Variants in CEP72 observed in about 807,000 individuals in gnomAD.
CEP72 encodes centrosomal protein 72, also known as centrosomal protein of 72 kDa.
In CEP72, 78 loss-of-function variants were observed where a neutral mutation model predicts 65.7. That is an observed-to-expected ratio of 1.19 (90% CI 0.99 to 1.43). The LOEUF (loss-of-function observed/expected upper bound fraction) is 1.43. Ranked by LOEUF, CEP72 falls within the 40% of genes most tolerant of loss-of-function variation. The pLI is 0.00. For missense variants in CEP72, 914 were observed against 832.9 expected, an observed-to-expected ratio of 1.10 and a Z score of -1.20; for synonymous variants, 358 against 351.7, an observed-to-expected ratio of 1.02 and a Z score of -0.20.
the CEP72 span, among the ~76,000 whole-genome samples, chr5:673,747 G>A: frequency 6.6e-6 from 1 of 152,140 alleles, no homozygotes; most frequent in African/African-American, 2.4e-5. Flanking sequence ...GGAGCAGGGG[G>A]CCAAGCTTTA....
the CEP72 span, among the ~76,000 whole-genome samples, chr5:673,797 G>A: frequency 3.3e-5 from 5 of 152,182 alleles, 1 homozygote; most frequent in Admixed American, 2.0e-4. Context: ...CTGCCTCTGG[G>A]AACAGGCCCA....
At chr5:640,750 C>T (rs576490713) in intron 9 of CEP72, 146 bp downstream of exon 9, 76 of 1,436,206 alleles carry the variant, frequency 5.3e-5, no homozygotes, top group East Asian at 1.2e-4. Context: ...GCCCGGGACC[C>T]GGCCACCCCC....
chr5:628,531 C>CG (rs113410737), intron 4 of CEP72, among the ~76,000 whole-genome samples: 155 of 142,262 alleles, frequency 1.1e-3, no homozygotes, highest in African/African-American at 2.7e-3. Context: ...CTTTGTGCAG[C>CG]TTCTGGAGAA....
intron 9 of CEP72, chr5:642,973 C>T: frequency 1.0e-6 from 1 of 985,508 alleles, no homozygotes; most frequent in African/African-American, 1.7e-5. Flanking sequence ...CTGTGCCTGG[C>T]ACGGCCTCTG....
chr5:616,884 G>T (rs990314717), intron 1 of CEP72, among the ~76,000 whole-genome samples: 1 of 150,798 alleles, frequency 6.6e-6, no homozygotes, highest in Non-Finnish European at 1.5e-5. Context: ...AAGAGAGTCT[G>T]TCCTGCAAGG....
At chr5:629,385 C>A (rs1579959024) in intron 4 of CEP72, among the ~76,000 whole-genome samples, 1 of 152,274 alleles carries the variant, frequency 6.6e-6, no homozygotes, top group South Asian at 2.1e-4. Flanking sequence ...AATTTTTGAA[C>A]CAATCCTAGT....
downstream of CEP72, among the ~76,000 whole-genome samples, chr5:669,120 GA>G (rs1425803348): frequency 6.6e-6 from 1 of 152,242 alleles, no homozygotes; most frequent in Non-Finnish European, 1.5e-5. Flanking sequence ...GGGTCCCAGG[GA>G]GGGGAGCGGA....
chr5:651,247 A>G (rs1739052955), intron 11 of CEP72, among the ~76,000 whole-genome samples: 1 of 85,074 alleles, frequency 1.2e-5, no homozygotes, highest in Non-Finnish European at 2.3e-5. Flanking sequence ...TGAGGCGTGG[A>G]CTGTGAGGTG....
At chr5:662,968 G>C in intron 1 of CEP72, 1 of 150,672 alleles carries the variant, frequency 6.6e-6, no homozygotes, top group East Asian at 1.9e-4. Context: ...GTCTGTGATC[G>C]GGTGATTCCG....
chr5:669,419 A>G (rs1260159178), downstream of CEP72, among the ~76,000 whole-genome samples: 2 of 152,184 alleles, frequency 1.3e-5, no homozygotes, highest in African/African-American at 2.4e-5. Context: ...CACCCCAGGC[A>G]GCCCACAGTG....
chr5:671,811 C>T (rs565755843), downstream of CEP72, among the ~76,000 whole-genome samples: 19 of 152,354 alleles, frequency 1.2e-4, no homozygotes, highest in African/African-American at 3.1e-4. Context: ...CCAGAGCCGC[C>T]GAGTGCAAGC....
Position 621,217 on chromosome 5 carries a change from C to T in CEP72, c.403+956C>T, listed in dbSNP as rs930202817. 5.9e-5 allele frequency among the ~76,000 whole-genome samples: 9 copies of T among 152,174 alleles called. No individual in the cohort carries two copies. In the South Asian group the frequency reaches 6.2e-4, roughly 11 times the overall value. On this transcript the variant is annotated intron_variant, in intron 3 of 11. Transcript: ENST00000264935. ...GTCAGACCTACCATGCACCGCTGTT[C>T]GAAAGCTGCCCCTCCTTCTGAACCT...
chr5:613,282 T>C (rs1579911443), intron 1 of CEP72, among the ~76,000 whole-genome samples: 1 of 151,922 alleles, frequency 6.6e-6, no homozygotes, highest in East Asian at 1.9e-4. Context: ...ACTGAGACAG[T>C]GGGGTTTGCA....
intron 7 of CEP72, 117 bp from the exon 8 acceptor site, chr5:638,971 AG>A: frequency 2.2e-6 from 3 of 1,340,230 alleles, no homozygotes; most frequent in Non-Finnish European, 3.1e-6. Flanking sequence ...CTGGGGCCTC[AG>A]GGCACCTGTC....
chr5:665,959 G>A (rs775659738), exon 4 of CEP72: 24 of 403,572 alleles, frequency 5.9e-5, no homozygotes, highest in Admixed American at 1.3e-4. Context: ...TTCCATCCCC[G>A]CCCTGCTCAC....
the CEP72 span, among the ~76,000 whole-genome samples, chr5:675,001 TGA>T: frequency 2.6e-5 from 2 of 75,962 alleles, no homozygotes; most frequent in South Asian, 5.4e-4. Flanking sequence ...GGGGGAGCAG[TGA>T]GGGGGGCACA....
At chr5:614,975 A>G (rs185732041) in intron 1 of CEP72, among the ~76,000 whole-genome samples, 6 of 151,060 alleles carry the variant, frequency 4.0e-5, no homozygotes, top group Admixed American at 3.9e-4. Flanking sequence ...TGACTCTATT[A>G]ATGACTGAGA....
At position 641,129 on chromosome 5, in the gene CEP72, G is replaced by A. The variant is rs150854892; in HGVS notation, c.1539+525G>A. On this transcript the variant is annotated intron_variant, in intron 9 of 11. Coordinates refer to ENST00000264935, the MANE Select transcript of CEP72 (RefSeq NM_018140.4). ...CCTCCTTCCGTCTCAGCCGTGGGCC[G>A]GGGCCGCCGTCTCATCTGAGGCCTC... 16 of 984,958 alleles carry A rather than the reference G, an allele frequency of 1.6e-5. No homozygotes were observed. The African/African-American group carries it at 1.7e-4, about 11-fold the overall frequency. 61.0% of individuals were successfully genotyped at this position (984,958 alleles called of 1,614,324 possible).
intron 1 of CEP72, among the ~76,000 whole-genome samples, chr5:617,675 A>ATT (rs1167040401): frequency 6.6e-6 from 1 of 152,190 alleles, no homozygotes; most frequent in Non-Finnish European, 1.5e-5. Flanking sequence ...ACCTGAGACG[A>ATT]TGCCTGAGGG....
Sources: gnomAD v4.1 joint callset for allele counts (sites outside exome capture counted in the v4.1 genomes callset) on GRCh38, gnomAD v4.1.1 for gene constraint, MANE v1.5 for transcripts, NCBI Gene and HGNC (gene_info 2026-07-23, HGNC 2026-07-21) for gene names.